Variants in DMD observed in about 807,000 individuals in gnomAD.
The protein encoded by DMD is mutant dystrophin.
Under a neutral mutation model 330.1 loss-of-function variants are expected in DMD, and 63 were observed. The observed-to-expected ratio is 0.19, with a 90% CI of 0.16 to 0.24. The LOEUF (loss-of-function observed/expected upper bound fraction) is 0.24, where lower values mean the gene tolerates loss of function less well. DMD is among the 10% of genes least tolerant of loss of function. The pLI is 1.00. For missense variants in DMD, 3,344 were observed against 2,684.1 expected, an observed-to-expected ratio of 1.25 and a Z score of -5.43; for synonymous variants, 1,223 against 959.8, an observed-to-expected ratio of 1.27 and a Z score of -5.07.
chrX:32,867,065 T>C (rs1446699204), intron 2 of DMD, among the ~76,000 whole-genome samples: 1 of 111,247 alleles, frequency 9.0e-6, no homozygotes, highest in Non-Finnish European at 1.9e-5. Flanking sequence ...CTACCTTTCG[T>C]AAGACTTAGT....
In DMD at chrX:32,650,201, A is replaced by G. The variant is rs751113274; in HGVS notation, c.961-5049T>C. On this transcript the variant is annotated intron_variant, in intron 9 of 78. Transcript: ENST00000357033. Reference sequence around the variant, plus strand: ...ACAGTCTATCACTGAGCAGTTTTATATCACTGATAAAATGGATTTTGGCAA... The same window carrying G: ...ACAGTCTATCACTGAGCAGTTTTATGTCACTGATAAAATGGATTTTGGCAA... 7.1e-5 allele frequency among the ~76,000 whole-genome samples: 8 copies of G among 112,215 alleles called. No individual in the cohort carries two copies. The East Asian group carries it at 1.1e-3, about 16-fold the overall frequency.
chrX:32,903,144 C>CAAAAAAAAAAAAAA (rs34973696), intron 2 of DMD, among the ~76,000 whole-genome samples: 1 of 32,990 alleles, frequency 3.0e-5, no homozygotes, highest in African/African-American at 1.4e-4. Flanking sequence ...GACTCAGTCT[C>CAAAAAAAAAAAAAA]AAAAAAAAAA....
intron 61 of DMD, among the ~76,000 whole-genome samples, chrX:31,343,145 T>C (rs915272738): frequency 9.8e-5 from 11 of 112,129 alleles, no homozygotes; most frequent in African/African-American, 2.9e-4. Flanking sequence ...AATACTTTAG[T>C]ACTTTCTTAA....
intron 60 of DMD, among the ~76,000 whole-genome samples, chrX:31,411,026 A>G (rs1282407919): frequency 9.5e-6 from 1 of 105,808 alleles, no homozygotes; most frequent in Non-Finnish European, 1.9e-5. Context: ...TCGGCCTCCC[A>G]AAGTGTTGGG....
At chrX:32,738,522 A>G (rs2068816613) in intron 7 of DMD, among the ~76,000 whole-genome samples, 1 of 111,979 alleles carries the variant, frequency 8.9e-6, no homozygotes, top group Admixed American at 9.5e-5. Flanking sequence ...CAGGTAAAGT[A>G]GCTGGCACAT....
At chrX:31,852,748 A>T (rs1182133715) in intron 48 of DMD, among the ~76,000 whole-genome samples, 1 of 112,198 alleles carries the variant, frequency 8.9e-6, no homozygotes, top group Admixed American at 9.5e-5. Flanking sequence ...ATATGTACTT[A>T]TTATTTGTCA....
intron 21 of DMD, among the ~76,000 whole-genome samples, chrX:32,481,599 G>A (rs1466392764): frequency 9.0e-6 from 1 of 111,016 alleles, no homozygotes; most frequent in South Asian, 3.7e-4. Flanking sequence ...GACATGCCAA[G>A]CCCTCATTCT....
chrX:31,344,759 A>G (rs1192885816), intron 61 of DMD, among the ~76,000 whole-genome samples: 3 of 110,506 alleles, frequency 2.7e-5, no homozygotes, highest in African/African-American at 9.9e-5. Flanking sequence ...CTGAGTCATG[A>G]GAATCGCTAG....
At chrX:32,587,195 C>T (rs1364615990) in intron 13 of DMD, among the ~76,000 whole-genome samples, 1 of 111,887 alleles carries the variant, frequency 8.9e-6, no homozygotes, top group Non-Finnish European at 1.9e-5. Context: ...TATCGTCTTT[C>T]TGAACAACTA....
chrX:32,757,966 AGGAG>A (rs766803743), intron 7 of DMD, among the ~76,000 whole-genome samples: 28 of 111,772 alleles, frequency 2.5e-4, no homozygotes, highest in Admixed American at 9.5e-4. Flanking sequence ...GAGGAGGAAG[AGGAG>A]GGAGGAAAAT....
chrX:32,569,817 T>C (rs1004409435), intron 15 of DMD, among the ~76,000 whole-genome samples: 2 of 110,795 alleles, frequency 1.8e-5, no homozygotes, highest in African/African-American at 6.6e-5. Context: ...AGAGCTGTCC[T>C]TCCCCAGCAA....
At chrX:32,363,992 T>C (rs762028888) in intron 36 of DMD, among the ~76,000 whole-genome samples, 2 of 111,883 alleles carry the variant, frequency 1.8e-5, no homozygotes, top group Non-Finnish European at 3.8e-5. Context: ...TACCCTTTTA[T>C]CGGAATCATT....
rs373722690 is a variant in DMD, at chrX:33,203,590, C to T, written c.31+7692G>A. 2.4e-3 allele frequency among the ~76,000 whole-genome samples: 269 copies of T among 110,252 alleles called. 1 individual carries two copies. Among genetic ancestry groups the T allele is most frequent in the African/African-American group, 8.6e-3 (261 of 30,377 alleles). ...TTCATGAAGTCATTAAATTGGAGAT[C>T]GAAAGGAACAGACCTCTTTATGGAA... On this transcript the variant is annotated intron_variant, in intron 1 of 78. Coordinates refer to ENST00000357033, the MANE Select transcript of DMD (RefSeq NM_004006.3).
intron 63 of DMD, among the ~76,000 whole-genome samples, chrX:31,251,212 A>T (rs1030703185): frequency 9.3e-6 from 1 of 107,389 alleles, no homozygotes; most frequent in Admixed American, 1.0e-4. Flanking sequence ...CCCAGGCTGG[A>T]CTCAAATTCC....
chrX:31,629,364 C>T (rs2079023686), intron 54 of DMD, among the ~76,000 whole-genome samples: 1 of 111,517 alleles, frequency 9.0e-6, no homozygotes, highest in Admixed American at 9.5e-5. Flanking sequence ...TTTTGCTGAG[C>T]ACACAGTCTT....
chrX:31,945,409 T>C (rs1415480219), intron 45 of DMD, among the ~76,000 whole-genome samples: 1 of 112,006 alleles, frequency 8.9e-6, no homozygotes, highest in Non-Finnish European at 1.9e-5. Context: ...CGATCTTGGC[T>C]CACAGCAACC....
chrX:32,106,888 AT>A (rs1354816423), intron 44 of DMD, among the ~76,000 whole-genome samples: 1 of 112,070 alleles, frequency 8.9e-6, no homozygotes, highest in South Asian at 3.7e-4. Flanking sequence ...AAACTGATTT[AT>A]TTTCCTTTGT....
chrX:32,628,632 C>T (rs183311092), intron 11 of DMD, among the ~76,000 whole-genome samples: 1,862 of 110,054 alleles, frequency 0.017, 20 homozygotes, highest in Admixed American at 0.039. Flanking sequence ...AGTTCTTCTG[C>T]TTTTTTGATG....
chrX:31,355,810 T>C (rs1396894518), intron 60 of DMD, among the ~76,000 whole-genome samples: 2 of 109,742 alleles, frequency 1.8e-5, no homozygotes, highest in Non-Finnish European at 3.8e-5. Flanking sequence ...GTAATCCCTT[T>C]CAGTTAAAAT....
Sources: allele counts gnomAD v4.1 joint callset (sites outside exome capture counted in the v4.1 genomes callset), GRCh38; gene constraint gnomAD v4.1.1; transcripts MANE v1.5; gene names NCBI Gene and HGNC (gene_info 2026-07-23, HGNC 2026-07-21).